The following CLDN2 variants were observed in gnomAD, a reference collection of about 807,000 sequenced individuals.
The protein encoded by CLDN2 is claudin 2.
CLDN2 carries 1 observed loss-of-function variant against 8.2 expected under a neutral mutation model. The observed-to-expected ratio is 0.12, with a 90% CI of 0.04 to 0.58. The LOEUF is 0.58. Among genes scored for constraint, CLDN2 ranks in the 20% least tolerant of loss-of-function variants. The pLI, the probability that CLDN2 is intolerant of heterozygous loss-of-function variation, is 0.90. For synonymous variants in CLDN2, 70 were observed against 70.2 expected, an observed-to-expected ratio of 1.00 and a Z score of 0.01; for missense variants, 108 against 172.9, an observed-to-expected ratio of 0.62 and a Z score of 2.11.
intron 1 of CLDN2, among the ~76,000 whole-genome samples, chrX:106,924,024 A>G (rs1382691731): frequency 9.0e-6 from 1 of 111,714 alleles, no homozygotes; most frequent in Non-Finnish European, 1.9e-5. Flanking sequence ...GTTACAGAAA[A>G]CAAGGGAGAA....
At chrX:106,901,679 C>T in intron 1 of CLDN2, 1 of 524,748 alleles carries the variant, frequency 1.9e-6, no homozygotes, top group Non-Finnish European at 3.1e-6. Context: ...CCCCCAATAC[C>T]CACCCCTCAA....
intron 1 of CLDN2, among the ~76,000 whole-genome samples, chrX:106,912,587 TA>T (rs1462315389): frequency 1.8e-5 from 2 of 109,857 alleles, no homozygotes; most frequent in African/African-American, 6.6e-5. Context: ...CTAATTGTTT[TA>T]TTTTTTTAGC....
chrX:106,920,219 T>G (rs188722597), upstream of CLDN2, among the ~76,000 whole-genome samples: 2 of 107,830 alleles, frequency 1.9e-5, no homozygotes, highest in South Asian at 4.1e-4. Flanking sequence ...AGGCCTCTCC[T>G]GGGTTCACAG....
chrX:106,926,732 G>A (rs1480818670), intron 1 of CLDN2, among the ~76,000 whole-genome samples: 2 of 96,109 alleles, frequency 2.1e-5, no homozygotes, highest in African/African-American at 7.8e-5. Flanking sequence ...CAACTAGCCA[G>A]GTGTGGTGAT....
chrX:106,912,390 C>T (rs1391957357), intron 1 of CLDN2, among the ~76,000 whole-genome samples: 1 of 105,656 alleles, frequency 9.5e-6, no homozygotes, highest in Non-Finnish European at 1.9e-5. Flanking sequence ...GCTAAACTAG[C>T]GAATTTTTTA....
intron 1 of CLDN2, chrX:106,901,447 G>A (rs746881855): frequency 5.0e-6 from 6 of 1,196,029 alleles, no homozygotes; most frequent in East Asian, 3.0e-5. Context: ...TCTATGTCAA[G>A]TTTGGAGCTT....
At chrX:106,925,270 G>C (rs966062619) in intron 1 of CLDN2, among the ~76,000 whole-genome samples, 2 of 111,805 alleles carry the variant, frequency 1.8e-5, no homozygotes, top group Non-Finnish European at 3.8e-5. Flanking sequence ...TACTATGATG[G>C]AAGTAAACAC....
intron 1 of CLDN2, among the ~76,000 whole-genome samples, chrX:106,912,454 T>C (rs1250442178): frequency 6.3e-5 from 6 of 95,736 alleles, no homozygotes; most frequent in Non-Finnish European, 1.2e-4. Flanking sequence ...GGCTCTGTCA[T>C]GCAGGCTGAA....
At chrX:106,924,136 G>C (rs1933433176) in intron 1 of CLDN2, among the ~76,000 whole-genome samples, 1 of 111,475 alleles carries the variant, frequency 9.0e-6, no homozygotes, top group Non-Finnish European at 1.9e-5. Flanking sequence ...AATATTTTCA[G>C]TGGAGGGCTA....
intron 1 of CLDN2, among the ~76,000 whole-genome samples, chrX:106,910,404 A>G (rs1933234256): frequency 9.0e-6 from 1 of 111,036 alleles, no homozygotes; most frequent in African/African-American, 3.3e-5. Flanking sequence ...TATTGCTGCC[A>G]TTTAAAGGTG....
At chrX:106,917,525 C>T (rs748966056), upstream of CLDN2, among the ~76,000 whole-genome samples, 3 of 111,116 alleles carry the variant, frequency 2.7e-5, no homozygotes, top group African/African-American at 9.8e-5. Flanking sequence ...GTCTCTAAGT[C>T]TCTCTCTGCC....
At chrX:106,900,990 C>T (rs1480175924) in intron 1 of CLDN2, 34 of 1,118,540 alleles carry the variant, frequency 3.0e-5, no homozygotes, top group Non-Finnish European at 3.9e-5. Context: ...AAGCTGGCCC[C>T]TAAACCCCTT....
At chrX:106,915,587 T>C (rs945742207), upstream of CLDN2, among the ~76,000 whole-genome samples, 13 of 112,258 alleles carry the variant, frequency 1.2e-4, no homozygotes, top group African/African-American at 3.9e-4. Context: ...TCTTGCTACA[T>C]TGGCCTTAGT....
At chrX:106,913,090 A>G (rs1933267039) in intron 1 of CLDN2, among the ~76,000 whole-genome samples, 1 of 100,343 alleles carries the variant, frequency 1.0e-5, no homozygotes, top group Non-Finnish European at 1.9e-5. Flanking sequence ...ATCCATTCAA[A>G]GTGCAATTGA....
chrX:106,913,624 A>G (rs1332211032), upstream of CLDN2, among the ~76,000 whole-genome samples: 1 of 112,143 alleles, frequency 8.9e-6, no homozygotes, highest in African/African-American at 3.2e-5. Flanking sequence ...TATATAGGTT[A>G]GAAATCCAGG....
chrX:106,904,022 T>G (rs1933146850), intron 1 of CLDN2, among the ~76,000 whole-genome samples: 1 of 112,446 alleles, frequency 8.9e-6, no homozygotes, highest in Non-Finnish European at 1.9e-5. Flanking sequence ...ACAGGGCCTC[T>G]GGGTGAGATT....
At chrX:106,902,179 T>G (rs766471170) in intron 1 of CLDN2, 1 of 1,192,915 alleles carries the variant, frequency 8.4e-7, no homozygotes, top group Admixed American at 2.3e-5. Context: ...GGGAGTCATT[T>G]GTGGAAGACA....
At chrX:106,923,218 C>T (rs1933417842) in intron 1 of CLDN2, among the ~76,000 whole-genome samples, 2 of 112,182 alleles carry the variant, frequency 1.8e-5, no homozygotes, top group African/African-American at 3.2e-5. Flanking sequence ...CGTGATCTGC[C>T]CGCCTCGGCC....
intron 1 of CLDN2, among the ~76,000 whole-genome samples, chrX:106,908,085 G>A (rs372708379): frequency 4.5e-5 from 5 of 111,424 alleles, no homozygotes; most frequent in East Asian, 5.6e-4. Context: ...TGCTGATTTT[G>A]GTCTTTACCA....
Sources: gnomAD v4.1 joint callset for allele counts (sites outside exome capture counted in the v4.1 genomes callset) on GRCh38, gnomAD v4.1.1 for gene constraint, MANE v1.5 for transcripts, NCBI Gene and HGNC (gene_info 2026-07-23, HGNC 2026-07-21) for gene names.